ZNF157: variants seen among roughly 807,000 people sequenced by gnomAD.
ZNF157 encodes zinc finger protein 22.
Under a neutral mutation model 9.4 loss-of-function variants are expected in ZNF157, and 8 were observed. The ratio of observed to expected loss-of-function variants is 0.85; its 90% CI spans 0.50 to 1.53. The LOEUF (loss-of-function observed/expected upper bound fraction) is 1.53. Among genes scored for constraint, ZNF157 ranks in the 40% most tolerant of loss-of-function variants. The pLI is 0.00. For missense variants in ZNF157, 316 were observed against 385.2 expected (o/e 0.82, Z 1.50); for synonymous variants, 120 against 130.8 (o/e 0.92, Z 0.56).
At chrX:47,388,697 A>G (rs1197304489) in intron 1 of ZNF157, 1 of 158,636 alleles carries the variant, frequency 6.3e-6, no homozygotes, top group East Asian at 1.5e-4. Context: ...TCTGTTTACA[A>G]CACACCCAAT....
chrX:47,381,972 T>G (rs1463895259), intron 1 of ZNF157, among the ~76,000 whole-genome samples: 3 of 112,050 alleles, frequency 2.7e-5, no homozygotes, highest in Non-Finnish European at 5.6e-5. Context: ...AAGGTATGTG[T>G]TAGATGTCCA....
chrX:47,376,949 T>A (rs1161761079), intron 1 of ZNF157, among the ~76,000 whole-genome samples: 1 of 111,556 alleles, frequency 9.0e-6, no homozygotes. Context: ...AATAACAAGT[T>A]AGCCACCAGA....
At chrX:47,374,397 CTTTTTTTTTTT>C (rs749372735) in intron 1 of ZNF157, among the ~76,000 whole-genome samples, 1 of 85,460 alleles carries the variant, frequency 1.2e-5, no homozygotes, top group Admixed American at 1.3e-4. Context: ...AATAGACAAT[CTTTTTTTTTTT>C]TTTTTTTTGA....
At chrX:47,374,736 T>C (rs1310091352) in intron 1 of ZNF157, among the ~76,000 whole-genome samples, 21 of 75,717 alleles carry the variant, frequency 2.8e-4, no homozygotes, top group Non-Finnish European at 9.4e-5. Context: ...TGAGATGGAG[T>C]CTCGATCTGT....
intron 3 of ZNF157, 29 bp downstream of exon 3, chrX:47,410,804 G>A (rs372019059): frequency 1.6e-4 from 179 of 1,093,655 alleles, no homozygotes; most frequent in Non-Finnish European, 2.1e-4. Flanking sequence ...CTGGACATAT[G>A]GAAAATAGGG....
At chrX:47,386,930 A>G (rs1054712140) in intron 1 of ZNF157, among the ~76,000 whole-genome samples, 1 of 111,366 alleles carries the variant, frequency 9.0e-6, no homozygotes, top group Non-Finnish European at 1.9e-5. Context: ...CAGCAATCCT[A>G]CTGAGCCTAC....
intron 1 of ZNF157, among the ~76,000 whole-genome samples, chrX:47,377,142 G>T (rs1256526485): frequency 9.1e-6 from 1 of 109,346 alleles, no homozygotes; most frequent in Non-Finnish European, 1.9e-5. Context: ...AACTGACTCA[G>T]CACAGGAAGA....
intron 1 of ZNF157, among the ~76,000 whole-genome samples, chrX:47,404,015 C>G (rs937596373): frequency 9.1e-6 from 1 of 109,649 alleles, no homozygotes; most frequent in Non-Finnish European, 1.9e-5. Context: ...ACTAAAAATA[C>G]AAAAATTAGC....
intron 1 of ZNF157, chrX:47,388,749 A>G: frequency 6.4e-6 from 1 of 156,750 alleles, no homozygotes; most frequent in South Asian, 1.5e-4. Flanking sequence ...AAAACTTGTG[A>G]CCTCTCTATG....
chrX:47,382,527 C>A (rs1457885938), intron 1 of ZNF157, among the ~76,000 whole-genome samples: 1 of 106,966 alleles, frequency 9.3e-6, no homozygotes, highest in African/African-American at 3.4e-5. Context: ...CCCAGAACAT[C>A]TTAAGGTAAA....
intron 1 of ZNF157, among the ~76,000 whole-genome samples, chrX:47,401,218 C>CA (rs2055929584): frequency 8.9e-6 from 1 of 112,017 alleles, no homozygotes; most frequent in Non-Finnish European, 1.9e-5. Context: ...CTTTCATTCA[C>CA]AAAAAAATCA....
At chrX:47,403,759 G>C (rs1174626895) in intron 1 of ZNF157, among the ~76,000 whole-genome samples, 1 of 112,229 alleles carries the variant, frequency 8.9e-6, no homozygotes, top group African/African-American at 3.2e-5. Flanking sequence ...AGAATTACTT[G>C]ACAAGGATTT....
At chrX:47,394,826 C>CT (rs896534779) in intron 1 of ZNF157, among the ~76,000 whole-genome samples, 3 of 109,815 alleles carry the variant, frequency 2.7e-5, no homozygotes, top group Non-Finnish European at 5.7e-5. Flanking sequence ...TTGTTTTGTT[C>CT]TTTTTTTTGG....
intron 1 of ZNF157, among the ~76,000 whole-genome samples, chrX:47,378,731 G>A (rs1353597243): frequency 9.0e-6 from 1 of 111,142 alleles, no homozygotes; most frequent in Admixed American, 9.6e-5. Flanking sequence ...TCAGCTACTC[G>A]GGAGGCTGAG....
intron 1 of ZNF157, among the ~76,000 whole-genome samples, chrX:47,391,871 G>A (rs2055898231): frequency 9.9e-6 from 1 of 100,836 alleles, no homozygotes; most frequent in Non-Finnish European, 2.0e-5. Context: ...TTTTTGGACT[G>A]TGGATACTGA....
chrX:47,395,862 G>C (rs1371271176), intron 1 of ZNF157, among the ~76,000 whole-genome samples: 1 of 111,474 alleles, frequency 9.0e-6, no homozygotes, highest in Non-Finnish European at 1.9e-5. Flanking sequence ...CTACTCAGGA[G>C]GCTGAGGTGG....
At chrX:47,372,525 G>A (rs1332982956) in intron 1 of ZNF157, among the ~76,000 whole-genome samples, 2 of 95,376 alleles carry the variant, frequency 2.1e-5, no homozygotes, top group East Asian at 3.2e-4. Context: ...ATGGAGTTTC[G>A]CTCTTGTTGC....
intron 1 of ZNF157, chrX:47,391,380 T>G (rs776309288): frequency 8.9e-6 from 1 of 112,089 alleles, no homozygotes. Context: ...CAGAAGTGTT[T>G]TGGATTTTTT....
rs140043132 is a variant in ZNF157, at chrX:47,412,649, C to T, written c.576C>T (p.Cys192=). 255 of 1,208,667 alleles carry T rather than the reference C, an allele frequency of 2.1e-4. 1 individual carries two copies. Among genetic ancestry groups the T allele is most frequent in the South Asian group, 7.6e-4 (43 of 56,637 alleles). Residue 192 remains cysteine, a synonymous_variant, in exon 4 of 4, where the codon TGC becomes TGT. Transcript: ENST00000377073. ...ACACAGGAGAGAGACCCTATGAATG[C>T]GGTGAATGTGCAAAAACCTTCAGTG... is the stretch of plus-strand genomic sequence containing the variant. ...RIHTGERPYE[C]GECAKTFSAR...
Sources: allele counts gnomAD v4.1 joint callset (sites outside exome capture counted in the v4.1 genomes callset), GRCh38; gene constraint gnomAD v4.1.1; transcripts MANE v1.5; gene names NCBI Gene and HGNC (gene_info 2026-07-23, HGNC 2026-07-21).